Variants in FRMPD3 observed in about 807,000 individuals in gnomAD.
The protein encoded by FRMPD3 is FERM and PDZ domain containing 3.
FRMPD3 carries 42 observed loss-of-function variants against 97.9 expected under a neutral mutation model. The observed-to-expected ratio is 0.43, with a 90% CI of 0.34 to 0.55. The LOEUF (loss-of-function observed/expected upper bound fraction) is 0.55, where lower values mean the gene tolerates loss of function less well. Among genes scored for constraint, FRMPD3 ranks in the 20% least tolerant of loss-of-function variants. The probability of loss-of-function intolerance (pLI) is 0.03; values close to 1 mark genes in which losing one functional copy is unlikely to be tolerated. For missense variants in FRMPD3, 1,303 were observed against 1,457.7 expected, an observed-to-expected ratio of 0.89 and a Z score of 1.73; for synonymous variants, 577 against 581.1, an observed-to-expected ratio of 0.99 and a Z score of 0.10.
Position 107,571,479 on chromosome X carries a change from G to T in FRMPD3, c.1297-4836G>T, listed in dbSNP as rs897185736. On this transcript the variant is annotated intron_variant, in intron 12 of 14. Transcript: ENST00000683843. ...GGGGCCAAGTTGGCTGTCTGGGGAT[G>T]ACAAGGAGAGGCTCCTGATGAGCTG... Among the ~76,000 whole-genome samples, 5 of 112,294 alleles carry T rather than the reference G, an allele frequency of 4.5e-5. No individual in the cohort carries two copies. The East Asian group carries it at 1.4e-3, about 31-fold the overall frequency.
chrX:107,557,689 GTGTGT>G (rs1353207700), intron 8 of FRMPD3, among the ~76,000 whole-genome samples: 7 of 98,553 alleles, frequency 7.1e-5, no homozygotes, highest in African/African-American at 2.6e-4. Context: ...GTGTGTGTGT[GTGTGT>G]TTTTTTTTGC....
chrX:107,490,233 T>G (rs1430642080), intron 1 of FRMPD3, among the ~76,000 whole-genome samples: 2 of 112,481 alleles, frequency 1.8e-5, no homozygotes, highest in Non-Finnish European at 3.8e-5. Context: ...CTGTTTTGGT[T>G]ACTGTAGCCT....
intron 1 of FRMPD3, among the ~76,000 whole-genome samples, chrX:107,459,880 T>TAC (rs1931436467): frequency 9.0e-5 from 5 of 55,691 alleles, no homozygotes; most frequent in Middle Eastern, 9.6e-3. Flanking sequence ...CACGCAAGCA[T>TAC]ACATACACAC....
intron 4 of FRMPD3, among the ~76,000 whole-genome samples, chrX:107,534,268 A>G (rs1004210339): frequency 2.7e-5 from 3 of 111,865 alleles, no homozygotes; most frequent in African/African-American, 9.8e-5. Context: ...CTTAACTTAA[A>G]TGCACAAACC....
rs1921990918 is a variant in FRMPD3, at chrX:107,554,371, TC to T, written c.643-11del. ...AGATCTCTTTTCTTCTCCCCTTTCA[TC>T]CCTGGAATTCAGGTGGTACAGCGGA... On this transcript the variant is annotated splice_polypyrimidine_tract_variant and intron_variant, in intron 7 of 14. Coordinates refer to ENST00000683843, the MANE Select transcript of FRMPD3 (RefSeq NM_001388459.1). 8.3e-7 allele frequency: 1 copy of T among 1,203,479 alleles called. No homozygotes were observed. Among genetic ancestry groups the T allele is most frequent in the African/African-American group, 1.8e-5 (1 of 56,956 alleles).
intron 1 of FRMPD3, among the ~76,000 whole-genome samples, chrX:107,495,929 C>T (rs1044005635): frequency 2.7e-5 from 3 of 111,897 alleles, no homozygotes; most frequent in Admixed American, 9.5e-5. Flanking sequence ...ACTTAAATGC[C>T]CGGTCTCTGG....
rs772647620 is a variant in FRMPD3, at chrX:107,602,163, C to T, written c.4124C>T (p.Thr1375Met). Reference sequence around the variant, plus strand: ...GAGAGTGGTGTTTCGTGCCTGACCACGTGTGCCTCGGGGGGCGAGTGTCTG... The same window carrying T: ...GAGAGTGGTGTTTCGTGCCTGACCATGTGTGCCTCGGGGGGCGAGTGTCTG... ...DPESGVSCLT[T>M]CASGGECLGA... The change falls in exon 15 of 15, where the codon ACG becomes ATG. Residue 1375 changes from threonine to methionine, a missense_variant. By Grantham distance (81) the Thr-to-Met change is moderately conservative (BLOSUM62 -1). Coordinates refer to ENST00000683843, the MANE Select transcript of FRMPD3 (RefSeq NM_001388459.1). 6 of 1,209,381 alleles carry T rather than the reference C, an allele frequency of 5.0e-6. No individual in the cohort carries two copies. Among genetic ancestry groups the T allele is most frequent in the African/African-American group, 3.5e-5 (2 of 57,316 alleles).
In FRMPD3 at chrX:107,602,289, C is replaced by T. The variant is rs1924563772; in HGVS notation, c.4250C>T (p.Pro1417Leu). ...SLTSDVYPHP[P>L]LGMLPREAKE... ...ACCTCGGATGTCTACCCACATCCTC[C>T]CCTGGGCATGCTGCCCAGGGAGGCC... Residue 1417 changes from proline to leucine, a missense_variant, in exon 15 of 15, where the codon CCC (proline) becomes CTC (leucine). By Grantham distance (98) the Pro-to-Leu change is moderately conservative (BLOSUM62 -3). Coordinates refer to ENST00000683843, the MANE Select transcript of FRMPD3 (RefSeq NM_001388459.1). The T allele has an allele frequency of 8.3e-7, 1 of 1,209,435 alleles. No homozygotes were observed. The highest frequency in any genetic ancestry group is 1.1e-6 in the Non-Finnish European group (1 of 894,656).
At chrX:107,556,728 T>C (rs893137409) in intron 8 of FRMPD3, among the ~76,000 whole-genome samples, 6 of 112,328 alleles carry the variant, frequency 5.3e-5, no homozygotes, top group Non-Finnish European at 7.5e-5. Context: ...TGTATACTTA[T>C]TTTGATCTGA....
At chrX:107,568,251 G>A (rs1324307417) in intron 12 of FRMPD3, among the ~76,000 whole-genome samples, 2 of 109,156 alleles carry the variant, frequency 1.8e-5, no homozygotes, top group Non-Finnish European at 3.8e-5. Context: ...TATACTTTAA[G>A]TTTTAGGGTA....
rs367757395 is a variant in FRMPD3 at position 107,560,353 on chromosome X, G to A, written c.859G>A (p.Ala287Thr). 1.2e-4 allele frequency: 147 copies of A among 1,206,855 alleles called. No individual in the cohort carries two copies. The African/African-American group carries it at 2.4e-3, about 20-fold the overall frequency. Residue 287 changes from alanine to threonine, a missense_variant, in exon 9 of 15, where the codon GCC becomes ACC. Ala to Thr is a moderately conservative substitution (Grantham distance 58, BLOSUM62 0). Around this residue, in one of 3 missense-constraint regions of FRMPD3, gnomAD observed 535 missense variants for 618.6 expected, o/e 0.86. Transcript: ENST00000683843. ...AALHIYITVS[A>T]TRPSQKISLK... ...GCTCCACATCTATATCACTGTCTCA[G>A]CCACTCGACCTAGTCAGAAGATCTC...
Position 107,560,245 on chromosome X carries a change from C to T in FRMPD3, c.763-12C>T. On this transcript the variant is annotated splice_polypyrimidine_tract_variant and intron_variant, in intron 8 of 14. Transcript: ENST00000683843. ...CCTTCAGCTGATAGGTTTGGACTGCCCTCTCTCACAGAGTCGGAATGATGT... is the reference window on the plus strand; with the variant it reads ...CCTTCAGCTGATAGGTTTGGACTGCTCTCTCTCACAGAGTCGGAATGATGT... 1 of 1,207,295 alleles carries T rather than the reference C, an allele frequency of 8.3e-7. No individual in the cohort carries two copies. Among genetic ancestry groups the T allele is most frequent in the African/African-American group, 1.8e-5 (1 of 56,961 alleles).
intron 13 of FRMPD3, among the ~76,000 whole-genome samples, chrX:107,587,547 T>C: frequency 8.9e-6 from 1 of 111,783 alleles, no homozygotes; most frequent in South Asian, 3.8e-4. Context: ...CATAATGTCA[T>C]TGGTCTTTAT....
intron 1 of FRMPD3, among the ~76,000 whole-genome samples, chrX:107,504,245 G>T (rs1364763032): frequency 8.9e-6 from 1 of 112,921 alleles, no homozygotes; most frequent in Non-Finnish European, 1.9e-5. Flanking sequence ...TCAAGGCCGG[G>T]TGCTTTCTGT....
intron 1 of FRMPD3, among the ~76,000 whole-genome samples, chrX:107,489,485 C>G (rs1292573946): frequency 9.0e-6 from 1 of 111,325 alleles, no homozygotes; most frequent in South Asian, 3.8e-4. Flanking sequence ...CTCCACATCC[C>G]CTCCAGCACC....
At chrX:107,572,756 C>G (rs772431865) in intron 12 of FRMPD3, among the ~76,000 whole-genome samples, 1 of 108,916 alleles carries the variant, frequency 9.2e-6, no homozygotes, top group African/African-American at 3.3e-5. Flanking sequence ...AATAAAAAAG[C>G]CTTCAGGGTC....
chrX:107,486,241 C>A (rs1921500929), intron 1 of FRMPD3, among the ~76,000 whole-genome samples: 1 of 112,249 alleles, frequency 8.9e-6, no homozygotes, highest in Non-Finnish European at 1.9e-5. Flanking sequence ...ATGGGCTCAA[C>A]TGTTCCAGAT....
intron 1 of FRMPD3, among the ~76,000 whole-genome samples, chrX:107,471,240 C>T (rs1251951646): frequency 9.0e-6 from 1 of 111,115 alleles, no homozygotes; most frequent in Non-Finnish European, 1.9e-5. Context: ...AGTGTCTGCT[C>T]CAAGCCTCTT....
At chrX:107,581,046 G>A (rs185986741) in intron 13 of FRMPD3, among the ~76,000 whole-genome samples, 122 of 111,637 alleles carry the variant, frequency 1.1e-3, no homozygotes, top group African/African-American at 3.6e-3. Flanking sequence ...GAATTTGACA[G>A]GATTGTGTGA....
Sources: gnomAD v4.1 joint callset for allele counts (sites outside exome capture counted in the v4.1 genomes callset) on GRCh38, gnomAD v4.1.1 for gene constraint, gnomAD v4.1.1 regional missense constraint, MANE v1.5 for transcripts, NCBI Gene and HGNC (gene_info 2026-07-23, HGNC 2026-07-21) for gene names.